The following ANKFN1 variants were observed in gnomAD, a reference collection of about 807,000 sequenced individuals.
ANKFN1 encodes the protein ankyrin repeat and fibronectin type-III domain-containing protein 1.
ANKFN1 carries 74 observed loss-of-function variants against 108.7 expected under a neutral mutation model. The ratio of observed to expected loss-of-function variants is 0.68; its 90% CI spans 0.56 to 0.83. ANKFN1 has a LOEUF of 0.83. Among genes scored for constraint, ANKFN1 ranks in the 40% least tolerant of loss-of-function variants. The probability of loss-of-function intolerance (pLI) is 0.00; values close to 1 mark genes in which losing one functional copy is unlikely to be tolerated. For synonymous variants in ANKFN1, 547 were observed against 516.2 expected (o/e 1.06, Z -0.81); for missense variants, 1,505 against 1,382.3 (o/e 1.09, Z -1.41).
chr17:56,433,833 A>T (rs538492616), intron 8 of ANKFN1, among the ~76,000 whole-genome samples: 21 of 152,080 alleles, frequency 1.4e-4, no homozygotes, highest in Middle Eastern at 3.4e-3. Context: ...ATGGAAATAA[A>T]AAAAAAAAAA....
intron 3 of ANKFN1, among the ~76,000 whole-genome samples, chr17:56,310,298 T>C (rs2044975134): frequency 6.6e-6 from 1 of 152,128 alleles, no homozygotes; most frequent in African/African-American, 2.4e-5. Context: ...AAAGCACAAA[T>C]TAGGAGAGAC....
intron 8 of ANKFN1, among the ~76,000 whole-genome samples, chr17:56,375,403 A>G (rs1414955517): frequency 6.6e-6 from 1 of 152,204 alleles, no homozygotes; most frequent in Non-Finnish European, 1.5e-5. Flanking sequence ...GCTCCGAAAA[A>G]GCATAGGGTC....
In ANKFN1 at chr17:56,081,684, C is replaced by G. The variant is rs191472893; in HGVS notation, c.288+35359C>G. Among the ~76,000 whole-genome samples, 8 of 152,292 alleles carry G rather than the reference C, an allele frequency of 5.3e-5. No homozygotes were observed. The East Asian group carries it at 1.5e-3, about 29-fold the overall frequency. Reference sequence around the variant, plus strand: ...AGGGTTTTATATGCTGACCTACTTCCGGCATCTTGTATTCCATTTCCCTTG... The same window carrying G: ...AGGGTTTTATATGCTGACCTACTTCGGGCATCTTGTATTCCATTTCCCTTG... On this transcript the variant is annotated intron_variant, in intron 4 of 12. Transcript: ENST00000635860.
chr17:56,477,533 G>A lies in ANKFN1; in HGVS notation c.1819G>A (p.Gly607Arg). The A allele has an allele frequency of 6.2e-7, 1 of 1,611,690 alleles. No homozygotes were observed. The highest frequency in any genetic ancestry group is 8.5e-7 in the Non-Finnish European group (1 of 1,179,278). ...AAGGAGTCATCAGCGTCTCTTTCCT[G>A]GATTATATCTGGGTTACCTAAAGCT... ...HKRSHQRLFPGLYLGYLKLCS... is the reference protein window; with the variant it reads ...HKRSHQRLFPRLYLGYLKLCS... The change falls in exon 16 of 21, where the codon GGA becomes AGA. Residue 607 changes from glycine (G) to arginine (R), a missense_variant. Transcript: ENST00000682825.
chr17:56,258,345 G>A (rs1007056374), intron 3 of ANKFN1: 3 of 152,150 alleles, frequency 2.0e-5, no homozygotes, highest in Non-Finnish European at 4.4e-5. Flanking sequence ...TGAAAATAAA[G>A]ACAATATTGT....
intron 4 of ANKFN1, among the ~76,000 whole-genome samples, chr17:56,347,143 A>G (rs865863214): frequency 2.6e-5 from 4 of 151,944 alleles, no homozygotes; most frequent in Non-Finnish European, 4.4e-5. Context: ...CACTTCCTAT[A>G]TCTGTTTTAG....
At chr17:56,083,109 C>T (rs145210726) in intron 4 of ANKFN1, among the ~76,000 whole-genome samples, 5 of 151,422 alleles carry the variant, frequency 3.3e-5, no homozygotes, top group Non-Finnish European at 7.4e-5. Context: ...CAGTCGAGAA[C>T]TGAAATCACA....
At chr17:56,178,203 G>A (rs1237551352) in intron 1 of ANKFN1, among the ~76,000 whole-genome samples, 1 of 152,146 alleles carries the variant, frequency 6.6e-6, no homozygotes, top group Non-Finnish European at 1.5e-5. Flanking sequence ...ACTCTGATGA[G>A]ACCCCAGAAT....
chr17:56,206,707 C>A (rs1205255056), intron 1 of ANKFN1: 1 of 152,038 alleles, frequency 6.6e-6, no homozygotes, highest in Non-Finnish European at 1.5e-5. Flanking sequence ...TTGTGCCAAG[C>A]GATATGAAGA....
At chr17:56,188,581 G>GTGTGTGTATA (rs1212242378) in intron 1 of ANKFN1, among the ~76,000 whole-genome samples, 39 of 49,652 alleles carry the variant, frequency 7.9e-4, no homozygotes, top group South Asian at 2.3e-3. Flanking sequence ...GTGTGTGTGT[G>GTGTGTGTATA]TATATATATA....
At chr17:56,478,778 C>T (rs889112224) in intron 16 of ANKFN1, among the ~76,000 whole-genome samples, 1 of 151,872 alleles carries the variant, frequency 6.6e-6, no homozygotes, top group African/African-American at 2.4e-5. Context: ...AGGGCATAAA[C>T]TAGATACTCC....
intron 3 of ANKFN1, among the ~76,000 whole-genome samples, chr17:56,249,285 A>G (rs1337726271): frequency 6.6e-6 from 1 of 151,940 alleles, no homozygotes; most frequent in Non-Finnish European, 1.5e-5. Context: ...AGCACAAAAA[A>G]TAGCCGGGCA....
chr17:56,300,118 T>C (rs2044631256), intron 3 of ANKFN1, among the ~76,000 whole-genome samples: 1 of 152,226 alleles, frequency 6.6e-6, no homozygotes, highest in Non-Finnish European at 1.5e-5. Context: ...ATGTGAATTA[T>C]AACGCTGATC....
intron 14 of ANKFN1, chr17:56,462,113 C>T (rs1278884462): frequency 6.6e-6 from 1 of 152,054 alleles, no homozygotes; most frequent in Non-Finnish European, 1.5e-5. Flanking sequence ...GGACCTATTG[C>T]CCAAACTATT....
chr17:56,085,017 G>A (rs1383860823), intron 4 of ANKFN1, among the ~76,000 whole-genome samples: 2 of 151,024 alleles, frequency 1.3e-5, no homozygotes, highest in South Asian at 2.1e-4. Context: ...GGTAGATCAC[G>A]TCTCCTGGTT....
intron 8 of ANKFN1, among the ~76,000 whole-genome samples, chr17:56,381,975 A>T (rs2047118746): frequency 6.6e-6 from 1 of 151,970 alleles, no homozygotes; most frequent in Non-Finnish European, 1.5e-5. Flanking sequence ...ACTCCAAGAC[A>T]CATAATTGTC....
At chr17:56,350,621 A>G in intron 4 of ANKFN1, 145 bp from the exon 5 acceptor site, 1 of 740,206 alleles carries the variant, frequency 1.4e-6, no homozygotes, top group African/African-American at 1.8e-5. Context: ...AAAACATAAA[A>G]AAAGCTGGGT....
At chr17:56,119,511 A>G (rs2143288776) in intron 4 of ANKFN1, among the ~76,000 whole-genome samples, 1 of 152,112 alleles carries the variant, frequency 6.6e-6, no homozygotes, top group South Asian at 2.1e-4. Context: ...GAAAAATGTT[A>G]TAACTCTTTT....
chr17:56,193,316 T>C (rs1913171127), intron 1 of ANKFN1, among the ~76,000 whole-genome samples: 1 of 142,940 alleles, frequency 7.0e-6, no homozygotes, highest in Non-Finnish European at 1.5e-5. Context: ...GACGAGTTAG[T>C]GGGTGCAGCG....
Sources: allele counts gnomAD v4.1 joint callset (sites outside exome capture counted in the v4.1 genomes callset), GRCh38; gene constraint gnomAD v4.1.1; transcripts MANE v1.5; gene names NCBI Gene and HGNC (gene_info 2026-07-23, HGNC 2026-07-21).